Variants in CDH13 observed in about 807,000 individuals in gnomAD.
CDH13 encodes cadherin 13, also known as cadherin-13.
In CDH13, 24 loss-of-function variants were observed where a neutral mutation model predicts 63.8. The ratio of observed to expected loss-of-function variants is 0.38; its 90% CI spans 0.27 to 0.53. The LOEUF (loss-of-function observed/expected upper bound fraction) is 0.53. Among genes scored for constraint, CDH13 ranks in the 20% least tolerant of loss-of-function variants. The probability of loss-of-function intolerance (pLI) is 0.85; values close to 1 mark genes in which losing one functional copy is unlikely to be tolerated. For missense variants in CDH13, 1,049 were observed against 903.1 expected (o/e 1.16, Z -2.07); for synonymous variants, 503 against 355.3 (o/e 1.42, Z -4.67).
At chr16:83,106,303 G>T (rs1273635052) in intron 3 of CDH13, among the ~76,000 whole-genome samples, 1 of 152,190 alleles carries the variant, frequency 6.6e-6, no homozygotes, top group Non-Finnish European at 1.5e-5. Flanking sequence ...ACTTTGGGAG[G>T]CCAAGGCAAG....
chr16:83,023,509 A>G (rs370758224), intron 2 of CDH13, among the ~76,000 whole-genome samples: 1 of 152,266 alleles, frequency 6.6e-6, no homozygotes, highest in South Asian at 2.1e-4. Flanking sequence ...CCCCTTTCAG[A>G]TAGAGGTTTT....
At chr16:82,912,784 A>T (rs1015842472) in intron 2 of CDH13, among the ~76,000 whole-genome samples, 8 of 152,140 alleles carry the variant, frequency 5.3e-5, no homozygotes, top group African/African-American at 1.9e-4. Flanking sequence ...TCTACTAAAA[A>T]TACAAAATAT....
chr16:83,763,039 T>C (rs1361335771), intron 11 of CDH13, among the ~76,000 whole-genome samples: 1 of 152,210 alleles, frequency 6.6e-6, no homozygotes, highest in Non-Finnish European at 1.5e-5. Flanking sequence ...ATTAAGTCTT[T>C]ATATGATTAT....
intron 4 of CDH13, among the ~76,000 whole-genome samples, chr16:83,187,622 A>G (rs1457101101): frequency 6.6e-6 from 1 of 152,118 alleles, no homozygotes; most frequent in Non-Finnish European, 1.5e-5. Context: ...AGTGACTCAG[A>G]GAGAGAAATG....
chr16:83,249,976 T>C (rs1271094299), intron 5 of CDH13, among the ~76,000 whole-genome samples: 1 of 152,182 alleles, frequency 6.6e-6, no homozygotes, highest in Non-Finnish European at 1.5e-5. Context: ...AATAGCCCTA[T>C]TGGTAACCAA....
intron 1 of CDH13, among the ~76,000 whole-genome samples, chr16:82,764,188 T>C (rs562769598): frequency 3.3e-5 from 5 of 152,218 alleles, no homozygotes; most frequent in Non-Finnish European, 7.3e-5. Flanking sequence ...AGAATACATA[T>C]TCCTCATTTA....
At chr16:83,109,189 T>A (rs1287038421) in intron 3 of CDH13, among the ~76,000 whole-genome samples, 1 of 152,040 alleles carries the variant, frequency 6.6e-6, no homozygotes, top group Non-Finnish European at 1.5e-5. Context: ...AGGGAAAAGA[T>A]GAGGATCATA....
chr16:82,778,506 T>C (rs374157311), intron 1 of CDH13, among the ~76,000 whole-genome samples: 2 of 142,300 alleles, frequency 1.4e-5, no homozygotes, highest in East Asian at 4.0e-4. Context: ...TCATTGATGA[T>C]GCAAACTTTG....
intron 10 of CDH13, among the ~76,000 whole-genome samples, chr16:83,743,923 A>G (rs1912319476): frequency 6.6e-6 from 1 of 151,716 alleles, no homozygotes; most frequent in East Asian, 1.9e-4. Context: ...GTGTACCGAG[A>G]AGCCCAGCCC....
At chr16:83,414,462 T>C (rs927186487) in intron 6 of CDH13, among the ~76,000 whole-genome samples, 1 of 152,204 alleles carries the variant, frequency 6.6e-6, no homozygotes, top group Admixed American at 6.5e-5. Flanking sequence ...CTTAATAGAT[T>C]TTAAGTGTAC....
At chr16:83,578,285 C>T (rs966093372) in intron 7 of CDH13, among the ~76,000 whole-genome samples, 2 of 152,130 alleles carry the variant, frequency 1.3e-5, no homozygotes, top group East Asian at 1.9e-4. Flanking sequence ...TTCTCACAGC[C>T]GCGGGCTACT....
At chr16:83,585,030 T>G (rs1906013338) in intron 7 of CDH13, among the ~76,000 whole-genome samples, 1 of 152,020 alleles carries the variant, frequency 6.6e-6, no homozygotes, top group Non-Finnish European at 1.5e-5. Flanking sequence ...CCTCCAACAC[T>G]GGGGGTTACA....
intron 3 of CDH13, among the ~76,000 whole-genome samples, chr16:83,125,062 C>T (rs750843740): frequency 3.3e-5 from 5 of 152,114 alleles, no homozygotes; most frequent in East Asian, 1.9e-4. Context: ...GATTCCTGAC[C>T]AGGTGAGTAA....
At chr16:83,055,708 G>C (rs1440258819) in intron 3 of CDH13, among the ~76,000 whole-genome samples, 1 of 151,936 alleles carries the variant, frequency 6.6e-6, no homozygotes, top group East Asian at 1.9e-4. Context: ...AAACTCTTCT[G>C]TAAAATAGAA....
At chr16:83,059,792 TG>T (rs1397768607) in intron 3 of CDH13, among the ~76,000 whole-genome samples, 52 of 117,060 alleles carry the variant, frequency 4.4e-4, no homozygotes, top group Admixed American at 1.3e-3. Context: ...TTTTTTTGTT[TG>T]TTTTTTTTTT....
chr16:83,572,176 GT>G (rs1904693630), intron 7 of CDH13, among the ~76,000 whole-genome samples: 3 of 1,218 alleles, frequency 2.5e-3, no homozygotes, highest in Non-Finnish European at 0.014. Context: ...CTTTCCTGTG[GT>G]GTGTGTGTGT....
intron 2 of CDH13, among the ~76,000 whole-genome samples, chr16:83,013,250 A>G (rs1049183537): frequency 6.6e-6 from 1 of 152,212 alleles, no homozygotes; most frequent in Non-Finnish European, 1.5e-5. Context: ...CTGTATTCCA[A>G]TAAAACTTTA....
chr16:83,197,067 A>G (rs1370529902), intron 4 of CDH13, among the ~76,000 whole-genome samples: 1 of 152,236 alleles, frequency 6.6e-6, no homozygotes, highest in African/African-American at 2.4e-5. Context: ...ATGGTTAAAC[A>G]AACTGTGGTT....
chr16:83,417,841 C>T (rs11648075), intron 6 of CDH13, among the ~76,000 whole-genome samples: 1 of 151,812 alleles, frequency 6.6e-6, no homozygotes, highest in African/African-American at 2.4e-5. Flanking sequence ...TGTCAGTTTC[C>T]CTAAAATGAA....
Sources: allele counts gnomAD v4.1 joint callset (sites outside exome capture counted in the v4.1 genomes callset), GRCh38; gene constraint gnomAD v4.1.1; transcripts MANE v1.5; gene names NCBI Gene and HGNC (gene_info 2026-07-23, HGNC 2026-07-21).